SETBP1: variants seen among roughly 807,000 people sequenced by gnomAD.
SETBP1 encodes SET-binding protein.
SETBP1 carries 9 observed loss-of-function variants against 101.0 expected under a neutral mutation model. The ratio of observed to expected loss-of-function variants is 0.09; its 90% CI spans 0.05 to 0.16. The LOEUF (loss-of-function observed/expected upper bound fraction) is 0.16. SETBP1 is among the 10% of genes least tolerant of loss of function. The pLI is 1.00. For missense variants in SETBP1, 1,858 were observed against 2,033.8 expected (o/e 0.91, Z 1.66); for synonymous variants, 818 against 788.5 (o/e 1.04, Z -0.63).
At chr18:44,954,170 A>G (rs1216289562) in intron 4 of SETBP1, among the ~76,000 whole-genome samples, 1 of 151,916 alleles carries the variant, frequency 6.6e-6, no homozygotes, top group Non-Finnish European at 1.5e-5. Context: ...AACCTCCCCA[A>G]CCACACAAAA....
At chr18:44,779,159 A>G (rs759018922) in intron 2 of SETBP1, among the ~76,000 whole-genome samples, 2 of 152,244 alleles carry the variant, frequency 1.3e-5, no homozygotes, top group Admixed American at 6.5e-5. Flanking sequence ...TAGACAGGTT[A>G]GAGGAGGCTG....
At chr18:45,007,929 T>G (rs754977459) in intron 4 of SETBP1, among the ~76,000 whole-genome samples, 34 of 152,088 alleles carry the variant, frequency 2.2e-4, no homozygotes, top group Non-Finnish European at 4.4e-4. Context: ...GCCCCAAGCC[T>G]TCTGAAGGAA....
intron 2 of SETBP1, among the ~76,000 whole-genome samples, chr18:44,831,118 C>T (rs1043795950): frequency 6.6e-6 from 1 of 152,166 alleles, no homozygotes; most frequent in Non-Finnish European, 1.5e-5. Flanking sequence ...CAGTTGTAAA[C>T]TTTGTAAATC....
chr18:44,888,504 A>C (rs1322316732), intron 3 of SETBP1, among the ~76,000 whole-genome samples: 1 of 152,142 alleles, frequency 6.6e-6, no homozygotes, highest in African/African-American at 2.4e-5. Context: ...AAAAGGATGC[A>C]CTTCCCATTT....
chr18:44,868,771 G>A (rs2069199383), intron 2 of SETBP1, among the ~76,000 whole-genome samples: 2 of 140,266 alleles, frequency 1.4e-5, no homozygotes, highest in Non-Finnish European at 1.6e-5. Context: ...AGGAAGGAAG[G>A]AAAAGCCCTC....
intron 2 of SETBP1, among the ~76,000 whole-genome samples, chr18:44,819,044 T>C (rs773181367): frequency 5.3e-5 from 8 of 152,090 alleles, no homozygotes; most frequent in Non-Finnish European, 1.2e-4. Context: ...TTTACTATTA[T>C]TGGACTACTT....
chr18:44,973,333 A>T (rs992668624), intron 4 of SETBP1, among the ~76,000 whole-genome samples: 1 of 152,172 alleles, frequency 6.6e-6, no homozygotes, highest in Admixed American at 6.6e-5. Context: ...TTCATCTAAA[A>T]TTCTCTTTTT....
In SETBP1 at chr18:45,067,068, G is replaced by C. The variant is rs1186903414; in HGVS notation, c.*3370G>C. On this transcript the variant is annotated 3_prime_UTR_variant, in exon 6 of 6. Coordinates refer to ENST00000649279, the MANE Select transcript of SETBP1 (RefSeq NM_015559.3). ...CATGTCAGGGGCTGGTTTGTGACTT[G>C]GCAGGACCAGGAAACAGCAGCCACT... 2.0e-5 allele frequency: 3 copies of C among 152,192 alleles called. No homozygotes were observed. The highest frequency in any genetic ancestry group is 2.9e-5 in the Non-Finnish European group (2 of 68,038). 9.4% of individuals were successfully genotyped at this position (152,192 alleles called of 1,614,324 possible). A position where few individuals can be genotyped will look rare whatever the true frequency, so the allele number is the denominator to read the frequency against.
At chr18:44,836,623 C>T (rs1251358564) in intron 2 of SETBP1, among the ~76,000 whole-genome samples, 1 of 152,212 alleles carries the variant, frequency 6.6e-6, no homozygotes, top group Non-Finnish European at 1.5e-5. Context: ...ATTAATTCTT[C>T]GTCATGGTTT....
rs900371122 is a variant in SETBP1 at position 44,953,287 on chromosome 18, C to T, written c.3947C>T (p.Ala1316Val). Residue 1316 changes from alanine (A) to valine (V), a missense_variant, in exon 4 of 6, where the codon GCC (alanine) becomes GTC (valine). By Grantham distance (64) the Ala-to-Val change is moderately conservative. Transcript: ENST00000649279. ...FGTYREKDIQ[A>V]FKMNRKERSS... is the part of the protein sequence containing the mutation. Reference sequence around the variant, plus strand: ...ACGTACAGGGAAAAGGACATCCAAGCCTTCAAGATGAACCGCAAGGAGAGA... The same window carrying T: ...ACGTACAGGGAAAAGGACATCCAAGTCTTCAAGATGAACCGCAAGGAGAGA... 3 of 1,613,942 alleles carry T rather than the reference C, an allele frequency of 1.9e-6. No homozygotes were observed. The highest frequency in any genetic ancestry group is 1.3e-5 in the African/African-American group (1 of 74,924).
At chr18:44,832,946 T>G (rs1380995746) in intron 2 of SETBP1, among the ~76,000 whole-genome samples, 1 of 152,226 alleles carries the variant, frequency 6.6e-6, no homozygotes, top group Non-Finnish European at 1.5e-5. Flanking sequence ...GGCTGCACCT[T>G]AGAGCATAGT....
rs573606906 is a variant in SETBP1 at position 44,960,324 on chromosome 18, G to A, written c.4000+6984G>A. Among the ~76,000 whole-genome samples, 187 of 152,182 alleles carry A rather than the reference G, an allele frequency of 1.2e-3. 1 individual carries two copies. The highest frequency in any genetic ancestry group is 4.6e-3 in the South Asian group (22 of 4,814). ...TACTCCGAGGCTTGTGCTTAATCAA[G>A]CGAGCAGTGGCAAGCCACTTTTTAT... is the stretch of plus-strand genomic sequence containing the variant. On this transcript the variant is annotated intron_variant, in intron 4 of 5. Transcript: ENST00000649279.
At chr18:44,865,161 C>A (rs529481431) in intron 2 of SETBP1, among the ~76,000 whole-genome samples, 125 of 152,292 alleles carry the variant, frequency 8.2e-4, no homozygotes, top group African/African-American at 3.0e-3. Flanking sequence ...GCAGACTTAA[C>A]CAATCCTATT....
intron 2 of SETBP1, among the ~76,000 whole-genome samples, chr18:44,768,217 G>A (rs535362846): frequency 4.3e-4 from 66 of 152,282 alleles, no homozygotes; most frequent in African/African-American, 1.5e-3. Flanking sequence ...CCAAGAGATT[G>A]TTAAGTGAGA....
chr18:44,775,722 T>TC (rs2070987413), intron 2 of SETBP1, among the ~76,000 whole-genome samples: 1 of 149,486 alleles, frequency 6.7e-6, no homozygotes, highest in South Asian at 2.1e-4. Context: ...TTTTTTTTTT[T>TC]CGTTGTCCAA....
chr18:44,778,024 G>C (rs1354624048), intron 2 of SETBP1, among the ~76,000 whole-genome samples: 1 of 152,262 alleles, frequency 6.6e-6, no homozygotes, highest in South Asian at 2.1e-4. Flanking sequence ...CAAGCTTCTT[G>C]TGTGTGTGGA....
intron 4 of SETBP1, among the ~76,000 whole-genome samples, chr18:44,967,243 A>G (rs989417407): frequency 1.3e-5 from 2 of 152,234 alleles, no homozygotes; most frequent in South Asian, 2.1e-4. Context: ...GATAACGGAA[A>G]GCTCACTGAG....
intron 4 of SETBP1, among the ~76,000 whole-genome samples, chr18:45,002,670 CT>C (rs1489555486): frequency 1.3e-4 from 20 of 152,218 alleles, no homozygotes; most frequent in Admixed American, 7.9e-4. Flanking sequence ...GCCCTCAAAC[CT>C]GTAGCTTCCA....
intron 4 of SETBP1, among the ~76,000 whole-genome samples, chr18:44,973,819 G>A (rs754427495): frequency 3.3e-5 from 5 of 152,140 alleles, no homozygotes; most frequent in Non-Finnish European, 7.4e-5. Flanking sequence ...GGGCAGACAC[G>A]CCACACAGAG....
Sources: allele counts gnomAD v4.1 joint callset (sites outside exome capture counted in the v4.1 genomes callset), GRCh38; gene constraint gnomAD v4.1.1; transcripts MANE v1.5; gene names NCBI Gene and HGNC (gene_info 2026-07-23, HGNC 2026-07-21).